STUB1: variants seen among roughly 807,000 people sequenced by gnomAD.
The protein encoded by STUB1 is E3 ubiquitin-protein ligase CHIP.
A neutral mutation model predicts 40.3 loss-of-function variants in STUB1; 37 were observed. The ratio of observed to expected loss-of-function variants is 0.92; its 90% confidence interval spans 0.71 to 1.21. The LOEUF (loss-of-function observed/expected upper bound fraction) is 1.21, where lower values mean the gene tolerates loss of function less well. Among genes scored for constraint, STUB1 ranks in the 50% most tolerant of loss-of-function variants. STUB1 has a pLI of 0.00. For synonymous variants in STUB1, 246 were observed against 171.9 expected, an observed-to-expected ratio of 1.43 and a Z score of -3.37; for missense variants, 460 against 421.9, an observed-to-expected ratio of 1.09 and a Z score of -0.79.
intron 5 of STUB1, 27 bp from the exon 6 acceptor site, chr16:682,138 C>T (rs758454425): frequency 1.8e-5 from 28 of 1,594,206 alleles, no homozygotes; most frequent in African/African-American, 5.4e-5. Context: ...CCTTTTCAGC[C>T]TCTGACCGTG....
At position 681,581 on chromosome 16, in the gene STUB1, C is replaced by A; in HGVS notation, c.502C>A (p.Leu168Ile). The change falls in exon 3 of 7, where the codon CTC (leucine) becomes ATC (isoleucine). Residue 168 changes from leucine to isoleucine, a missense_variant. By Grantham distance (5) the Leu-to-Ile change is conservative (BLOSUM62 2). Coordinates refer to ENST00000219548, the MANE Select transcript of STUB1 (RefSeq NM_005861.4). ...ESELHSYLSR[L>I]IAAERERELE... ...CGAGCTGCACTCCTACCTCTCCAGG[C>A]TCATTGCCGCGGAGCGTGAGAGGTG... 8.7e-6 allele frequency: 14 copies of A among 1,610,096 alleles called. No individual in the cohort carries two copies. The highest frequency in any genetic ancestry group is 1.2e-5 in the Non-Finnish European group (14 of 1,178,936).
chr16:682,381 C>T lies in STUB1; in HGVS notation c.804C>T (p.Asp268=), dbSNP rs556617938. Residue 268 remains aspartate (D), a synonymous_variant, in exon 7 of 7, where the codon GAC becomes GAT. Coordinates refer to ENST00000219548, the MANE Select transcript of STUB1 (RefSeq NM_005861.4). ...CACTGCAGCGTGTGGGTCATTTTGA[C>T]CCCGTGACCCGGAGCCCCCTGACCC... ...EEHLQRVGHF[D]PVTRSPLTQE... The T allele has an allele frequency of 2.5e-6, 4 of 1,613,256 alleles. No individual in the cohort carries two copies. Among genetic ancestry groups the T allele is most frequent in the African/African-American group, 2.7e-5 (2 of 75,062 alleles).
rs1329875028 is a variant in STUB1 at position 680,760 on chromosome 16, G to A, written c.159+76G>A. The stretch of plus-strand genomic sequence containing the variant: ...GGGCCCGGGCCCGGCCGGCCCCACC[G>A]AGGGTCTGGCTCCTCTTCGGGGCGT... On this transcript the variant is annotated intron_variant, in intron 1 of 6. Transcript: ENST00000219548. This position sits in a 1 kb window ranked among gnomAD's most constrained non-coding sequence, Gnocchi z 4.9. The A allele has an allele frequency of 3.5e-6, 4 of 1,143,538 alleles. No individual in the cohort carries two copies. Among genetic ancestry groups the A allele is most frequent in the East Asian group, 3.9e-5 (1 of 25,924 alleles). 70.8% of individuals were successfully genotyped at this position (1,143,538 alleles called of 1,614,324 possible).
At position 681,338 on chromosome 16, in the gene STUB1, A is replaced by C. The variant is rs1456416134; in HGVS notation, c.346A>C (p.Asn116His). 2 of 1,612,748 alleles carry C rather than the reference A, an allele frequency of 1.2e-6. No individual in the cohort carries two copies. The highest frequency in any genetic ancestry group is 2.2e-5 in the South Asian group (2 of 91,078). Residue 116 changes from asparagine (N) to histidine (H), a missense_variant, in exon 2 of 7, where the codon AAT becomes CAT. Transcript: ENST00000219548. ...EMESYDEAIA[N>H]LQRAYSLAKE... ...GGAGAGCTATGATGAGGCCATCGCC[A>C]ATCTGCAGCGAGGTTGGCTGACAAG...
chr16:680,639 G>C lies in STUB1; in HGVS notation c.114G>C (p.Val38=), dbSNP rs1429295332. The C allele has an allele frequency of 2.1e-5, 29 of 1,356,136 alleles. No homozygotes were observed. The highest frequency in any genetic ancestry group is 3.0e-5 in the East Asian group (1 of 32,962). The allele number at this position is 1,356,136 out of a possible 1,614,324, so 84.0% of individuals were successfully genotyped here. ...AGGAGCAGGGCAATCGTCTGTTCGT[G>C]GGCCGAAAGTACCCGGAGGCGGCGG... ...ELKEQGNRLF[V]GRKYPEAAAC... is the part of the protein sequence containing the mutation. The change falls in exon 1 of 7, where the codon GTG becomes GTC. Residue 38 remains valine, a synonymous_variant. Transcript: ENST00000219548. This position sits in a 1 kb window ranked among gnomAD's most constrained non-coding sequence, Gnocchi z 4.9.
chr16:682,033 C>A lies in STUB1; in HGVS notation c.626C>A (p.Ala209Glu). ...AACTCTTCACAGGACAAGTACATGG[C>A]GGACATGGACGAGCTTTTTTCTCAG... ...CIEAKHDKYM[A>E]DMDELFSQVD... is the part of the protein sequence containing the mutation. The change falls in exon 5 of 7, where the codon GCG becomes GAG. Residue 209 changes from alanine to glutamate, a missense_variant. Coordinates refer to ENST00000219548, the MANE Select transcript of STUB1 (RefSeq NM_005861.4). 2 of 1,592,502 alleles carry A rather than the reference C, an allele frequency of 1.3e-6. No individual in the cohort carries two copies. The highest frequency in any genetic ancestry group is 1.7e-6 in the Non-Finnish European group (2 of 1,164,486).
rs1444045796 is a variant in STUB1, at chr16:682,719, A to C, written c.*230A>C. ...CTGGGCTGAGGCCATTGCCGCCACT[A>C]TCTGTGTAATAAAATCCGTGAGCAC... On this transcript the variant is annotated 3_prime_UTR_variant, in exon 7 of 7. Coordinates refer to ENST00000219548, the MANE Select transcript of STUB1 (RefSeq NM_005861.4). The C allele has an allele frequency of 6.5e-7, 1 of 1,536,044 alleles. No individual in the cohort carries two copies. Among genetic ancestry groups the C allele is most frequent in the Non-Finnish European group, 8.9e-7 (1 of 1,121,426 alleles).
rs2039638175 is a variant in STUB1, at chr16:680,816, C to G, written c.159+132C>G. 1 of 956,186 alleles carries G rather than the reference C, an allele frequency of 1.0e-6. No individual in the cohort carries two copies. The highest frequency in any genetic ancestry group is 1.7e-5 in the African/African-American group (1 of 57,922). 59.2% of individuals were successfully genotyped at this position (956,186 alleles called of 1,614,324 possible). On this transcript the variant is annotated intron_variant, in intron 1 of 6. Coordinates refer to ENST00000219548, the MANE Select transcript of STUB1 (RefSeq NM_005861.4). This position sits in a 1 kb window ranked among gnomAD's most constrained non-coding sequence, Gnocchi z 4.9. ...CGGCTCCCAAAGCCCAGCCGTGGTT[C>G]TCGAGCCCAGCGCCGGGTGCCGGAG... is the stretch of plus-strand genomic sequence containing the variant.
At chr16:681,672 T>G (rs2039657794) in intron 3 of STUB1, 69 bp downstream of exon 3, 22 of 1,564,678 alleles carry the variant, frequency 1.4e-5, no homozygotes, top group Non-Finnish European at 1.6e-5. Context: ...ACACAAGCGT[T>G]TATCGAAGGC....
At position 680,543 on chromosome 16, in the gene STUB1, GA is replaced by G; in HGVS notation, c.20del (p.Lys7ArgfsTer65). Reference protein sequence around the residue: MKGKEEKEGGARLGAGG... With the variant: MKGKEEXEGGARLGAGG... Reference sequence around the variant, plus strand: ...GCGGCGCCATGAAGGGCAAGGAGGAGAAGGAGGGCGGCGCACGGCTGGGCGC... The same window carrying G: ...GCGGCGCCATGAAGGGCAAGGAGGAGAGGAGGGCGGCGCACGGCTGGGCGC... On this transcript the variant is annotated frameshift_variant, in exon 1 of 7. Transcript: ENST00000219548. LOFTEE classifies it high-confidence loss of function. The surrounding 1 kb of genome is among the most constrained non-coding windows in gnomAD (Gnocchi z 4.9). The G allele has an allele frequency of 7.5e-7, 1 of 1,337,470 alleles. No individual in the cohort carries two copies. The highest frequency in any genetic ancestry group is 1.9e-5 in the South Asian group (1 of 53,512). 82.9% of individuals were successfully genotyped at this position (1,337,470 alleles called of 1,614,324 possible). A position where few individuals can be genotyped will look rare whatever the true frequency, so the allele number is the denominator to read the frequency against.
rs774956975 is a variant in STUB1, at chr16:682,055, T to C, written c.648T>C (p.Ser216=). 111 of 1,585,662 alleles carry C rather than the reference T, an allele frequency of 7.0e-5. No homozygotes were observed. The highest frequency in any genetic ancestry group is 9.3e-5 in the Non-Finnish European group (108 of 1,160,140). ...KYMADMDELF[S]QVDEKRKKRD... ...TGGCGGACATGGACGAGCTTTTTTC[T>C]CAGGTGGATGAGAAGAGGAAGGTGA... The change falls in exon 5 of 7, where the codon TCT becomes TCC. Residue 216 remains serine (S), a synonymous_variant. Transcript: ENST00000219548.
Position 681,466 on chromosome 16 carries a change from G to A in STUB1, c.387G>A (p.Leu129=), listed in dbSNP as rs757323165. 3.1e-6 allele frequency: 5 copies of A among 1,612,652 alleles called. No individual in the cohort carries two copies. The highest frequency in any genetic ancestry group is 4.2e-6 in the Non-Finnish European group (5 of 1,179,842). ...ACAGCCTGGCCAAGGAGCAGCGGCT[G>A]AACTTCGGGGACGACATCCCCAGCG... The part of the protein sequence containing the change: ...RAYSLAKEQR[L]NFGDDIPSAL... The change falls in exon 3 of 7, where the codon CTG becomes CTA. Residue 129 remains leucine (L), a synonymous_variant. Coordinates refer to ENST00000219548, the MANE Select transcript of STUB1 (RefSeq NM_005861.4).
At position 682,566 on chromosome 16, in the gene STUB1, T is replaced by G. The variant is rs1165013399; in HGVS notation, c.*77T>G. 3 of 1,587,142 alleles carry G rather than the reference T, an allele frequency of 1.9e-6. No individual in the cohort carries two copies. The African/African-American group carries it at 4.0e-5, about 21-fold the overall frequency. On this transcript the variant is annotated 3_prime_UTR_variant, in exon 7 of 7. Transcript: ENST00000219548. Reference sequence around the variant, plus strand: ...CCCCGGCCCCTATACATAGTTTATGTTCCTGGCCACCCCGACCGCTTCCCC... The same window carrying G: ...CCCCGGCCCCTATACATAGTTTATGGTCCTGGCCACCCCGACCGCTTCCCC...
chr16:682,309 C>A, intron 6 of STUB1, 28 bp downstream of exon 6: 1 of 1,612,792 alleles, frequency 6.2e-7, no homozygotes, highest in Non-Finnish European at 8.5e-7. Flanking sequence ...GGGAGCAGGG[C>A]CAGTGGCATG....
chr16:682,690 T>G lies in STUB1; in HGVS notation c.*201T>G. ...TGTGGGCTGGAAAAGCAGGTGAGGGTGGGCTGGGCTGAGGCCATTGCCGCC... is the reference window on the plus strand; with the variant it reads ...TGTGGGCTGGAAAAGCAGGTGAGGGGGGGCTGGGCTGAGGCCATTGCCGCC... On this transcript the variant is annotated 3_prime_UTR_variant, in exon 7 of 7. Transcript: ENST00000219548. 1 of 1,442,362 alleles carries G rather than the reference T, an allele frequency of 6.9e-7. No homozygotes were observed. Among genetic ancestry groups the G allele is most frequent in the Non-Finnish European group, 9.5e-7 (1 of 1,053,458 alleles). The allele number at this position is 1,442,362 out of a possible 1,614,324, so 89.3% of individuals were successfully genotyped here.
rs917321002 is a variant in STUB1 at position 681,620 on chromosome 16, A to G, written c.524+17A>G. 1 of 1,597,652 alleles carries G rather than the reference A, an allele frequency of 6.3e-7. No individual in the cohort carries two copies. On this transcript the variant is annotated intron_variant, in intron 3 of 6. Coordinates refer to ENST00000219548, the MANE Select transcript of STUB1 (RefSeq NM_005861.4). ...GCGTGAGAGGTGGGACCCTCACCCC[A>G]GGCCGCCCTGTCTTGGGATAATTCT...
intron 1 of STUB1, 139 bp from the exon 2 acceptor site, chr16:681,013 C>CT: frequency 4.5e-6 from 4 of 893,092 alleles, no homozygotes; most frequent in Non-Finnish European, 6.7e-6. Flanking sequence ...TGCACAGATC[C>CT]TTGGACCCAG....
Position 681,503 on chromosome 16 carries a change from G to T in STUB1, c.424G>T (p.Ala142Ser). 6.2e-7 allele frequency: 1 copy of T among 1,612,640 alleles called. No homozygotes were observed. Among genetic ancestry groups the T allele is most frequent in the Non-Finnish European group, 8.5e-7 (1 of 1,179,962 alleles). ...CGACATCCCCAGCGCTCTTCGAATC[G>T]CGAAGAAGAAGCGCTGGAACAGCAT... The part of the protein sequence containing the change: ...GDDIPSALRI[A>S]KKKRWNSIEE... The change falls in exon 3 of 7, where the codon GCG becomes TCG. Residue 142 changes from alanine to serine, a missense_variant. Ala to Ser is a moderately conservative substitution (Grantham distance 99). Transcript: ENST00000219548.
At position 682,285 on chromosome 16, in the gene STUB1, AG is replaced by A; in HGVS notation, c.786+6del. The A allele has an allele frequency of 1.3e-6, 2 of 1,568,908 alleles. No individual in the cohort carries two copies. The highest frequency in any genetic ancestry group is 1.7e-6 in the Non-Finnish European group (2 of 1,168,112). ...GGACATCGAGGAGCACCTGCAGGTG[AG>A]GCCTGCGGCTGGGGGAGCAGGGCCA... On this transcript the variant is annotated splice_donor_5th_base_variant and intron_variant, in intron 6 of 6. Transcript: ENST00000219548.
Sources: gnomAD v4.1 joint callset for allele counts on GRCh38, gnomAD v4.1.1 for gene constraint, Gnocchi (gnomAD v3.1) non-coding constraint, MANE v1.5 for transcripts, NCBI Gene and HGNC (gene_info 2026-07-23, HGNC 2026-07-21) for gene names.